Variants in PKD1L1 observed in about 807,000 individuals in gnomAD.
PKD1L1 encodes the protein polycystin 1 like 1, transient receptor potential channel interacting, also known as polycystin-1-like protein 1.
Under a neutral mutation model 323.4 loss-of-function variants are expected in PKD1L1, and 236 were observed. The observed-to-expected ratio is 0.73, with a 90% CI of 0.66 to 0.81. The LOEUF (loss-of-function observed/expected upper bound fraction) is 0.81, where lower values mean the gene tolerates loss of function less well. Among genes scored for constraint, PKD1L1 ranks in the 40% least tolerant of loss-of-function variants. The pLI, the probability that PKD1L1 is intolerant of heterozygous loss-of-function variation, is 0.00. For synonymous variants in PKD1L1, 1,344 were observed against 1,335.0 expected (o/e 1.01, Z -0.15); for missense variants, 3,320 against 3,508.0 (o/e 0.95, Z 1.35).
At position 47,929,217 on chromosome 7, in the gene PKD1L1, G is replaced by C. The variant is rs143391389; in HGVS notation, c.1047C>G (p.His349Gln). The C allele has an allele frequency of 1.4e-5, 23 of 1,613,894 alleles. No homozygotes were observed. The highest frequency in any genetic ancestry group is 1.8e-5 in the Non-Finnish European group (21 of 1,179,940). Residue 349 changes from histidine to glutamine, a missense_variant, in exon 7 of 57, where the codon CAC becomes CAG. His to Gln is a conservative substitution (Grantham distance 24). Coordinates refer to ENST00000289672, the MANE Select transcript of PKD1L1 (RefSeq NM_138295.5). ...CATGCACCTTACCTTTTGAGTACTG[G>C]TGGTAGGCAGTCACCGCCATTGCCT... ...MSEAMAVTAY[H>Q]QYSKGIFFHL...
At chr7:47,880,278 A>ATTTTTTTTTTTTTTT (rs1562970489) in intron 21 of PKD1L1, among the ~76,000 whole-genome samples, 4 of 73,634 alleles carry the variant, frequency 5.4e-5, no homozygotes, top group African/African-American at 2.2e-4. Flanking sequence ...ATATATATAT[A>ATTTTTTTTTTTTTTT]TATATATTTT....
intron 14 of PKD1L1, among the ~76,000 whole-genome samples, chr7:47,895,197 A>G (rs1039663970): frequency 3.3e-5 from 5 of 152,238 alleles, no homozygotes; most frequent in Non-Finnish European, 7.3e-5. Flanking sequence ...CTGTGAGGTC[A>G]GAGACAGCAG....
intron 26 of PKD1L1, among the ~76,000 whole-genome samples, chr7:47,862,403 A>G (rs1054547876): frequency 6.6e-6 from 1 of 152,106 alleles, no homozygotes; most frequent in Non-Finnish European, 1.5e-5. Context: ...GAGGGATGGT[A>G]GGAGGACAGG....
intron 2 of PKD1L1, 27 bp downstream of exon 2, chr7:47,943,369 G>T: frequency 1.3e-6 from 2 of 1,542,254 alleles, no homozygotes; most frequent in Non-Finnish European, 1.8e-6. Context: ...TATCATGGTG[G>T]CCATGCCTCC....
At chr7:47,777,942 A>C (rs966049707) in intron 56 of PKD1L1, among the ~76,000 whole-genome samples, 11 of 152,228 alleles carry the variant, frequency 7.2e-5, no homozygotes, top group Admixed American at 5.9e-4. Context: ...GAGGAGCTGC[A>C]GGGGAGGTGG....
chr7:47,866,288 C>A, intron 25 of PKD1L1, 131 bp downstream of exon 25: 1 of 853,086 alleles, frequency 1.2e-6, no homozygotes, highest in East Asian at 2.6e-5. Flanking sequence ...GCTGAGCTGG[C>A]TGGCCCTCTT....
chr7:47,908,761 GAGAAGA>G lies in PKD1L1; in HGVS notation c.1229-517_1229-512del, dbSNP rs1156712458. ...ACTCTGTGGCTCCTCTCATTAAGTG[GAGAAGA>G]CTATTGCTTCACCCCTCGAATCAGT... On this transcript the variant is annotated intron_variant, in intron 8 of 56. Coordinates refer to ENST00000289672, the MANE Select transcript of PKD1L1 (RefSeq NM_138295.5). 1.6e-3 allele frequency among the ~76,000 whole-genome samples: 238 copies of G among 152,300 alleles called. 2 individuals are homozygous for G. The highest frequency in any genetic ancestry group is 5.3e-3 in the African/African-American group (221 of 41,562).
intron 56 of PKD1L1, among the ~76,000 whole-genome samples, chr7:47,781,176 TG>T (rs1218287562): frequency 1.3e-5 from 2 of 152,192 alleles, no homozygotes; most frequent in Non-Finnish European, 2.9e-5. Context: ...TTCATGTGTT[TG>T]CCATCTGTAC....
At position 47,795,535 on chromosome 7, in the gene PKD1L1, G is replaced by GT. The variant is rs1784503843; in HGVS notation, c.8355+453dup. 14 of 355,120 alleles carry GT rather than the reference G, an allele frequency of 3.9e-5. 1 individual carries two copies. The highest frequency in any genetic ancestry group is 1.0e-3 in the Middle Eastern group (1 of 986). 22.0% of individuals were successfully genotyped at this position (355,120 alleles called of 1,614,324 possible). On this transcript the variant is annotated intron_variant, in intron 55 of 56. Coordinates refer to ENST00000289672, the MANE Select transcript of PKD1L1 (RefSeq NM_138295.5). ...AACTAATATATCAGCCATGAAGAAA[G>GT]TGAGTATTCAGTGTGCAAACGCCTG...
intron 15 of PKD1L1, among the ~76,000 whole-genome samples, chr7:47,892,480 A>T (rs1008940716): frequency 7.9e-5 from 12 of 152,130 alleles, no homozygotes; most frequent in Admixed American, 5.2e-4. Flanking sequence ...CTCTTGAGTA[A>T]AAAGGGGGTG....
intron 13 of PKD1L1, among the ~76,000 whole-genome samples, chr7:47,899,136 T>G (rs567685018): frequency 6.6e-6 from 1 of 152,314 alleles, no homozygotes; most frequent in South Asian, 2.1e-4. Context: ...AGCATAATTA[T>G]TTTTAAAATA....
chr7:47,839,691 C>T lies in PKD1L1; in HGVS notation c.5553-29G>A, dbSNP rs1210033258. The T allele has an allele frequency of 9.7e-6, 15 of 1,547,804 alleles. No homozygotes were observed. The highest frequency in any genetic ancestry group is 6.8e-5 in the African/African-American group (5 of 73,214). ...GAGGCACACACAGCAGCATCTCAGCCGGGTGGGTGACAGTGTGGTCCTGGC... is the reference window on the plus strand; with the variant it reads ...GAGGCACACACAGCAGCATCTCAGCTGGGTGGGTGACAGTGTGGTCCTGGC... On this transcript the variant is annotated intron_variant, in intron 35 of 56. Transcript: ENST00000289672. The surrounding 1 kb of genome is among the most constrained non-coding windows in gnomAD (Gnocchi z 4.3).
chr7:47,846,627 C>T (rs565338110), intron 32 of PKD1L1, among the ~76,000 whole-genome samples: 25 of 152,314 alleles, frequency 1.6e-4, no homozygotes, highest in African/African-American at 4.8e-4. Flanking sequence ...ACAGTCGGTA[C>T]GGGAAGGAGG....
intron 52 of PKD1L1, among the ~76,000 whole-genome samples, chr7:47,805,489 G>T (rs771581925): frequency 6.6e-6 from 1 of 152,262 alleles, no homozygotes; most frequent in Non-Finnish European, 1.5e-5. Flanking sequence ...AGGGAAAGCC[G>T]TAGTGTGGGC....
At chr7:47,779,861 G>A (rs1225543791) in intron 56 of PKD1L1, among the ~76,000 whole-genome samples, 1 of 152,166 alleles carries the variant, frequency 6.6e-6, no homozygotes, top group Non-Finnish European at 1.5e-5. Flanking sequence ...ACCATGGGCT[G>A]GGTGGGAGAA....
At chr7:47,888,712 C>T (rs533748568) in intron 16 of PKD1L1, among the ~76,000 whole-genome samples, 35 of 152,354 alleles carry the variant, frequency 2.3e-4, no homozygotes, top group Non-Finnish European at 4.1e-4. Context: ...ATGGGCAGTT[C>T]ACACATCCCA....
At chr7:47,916,976 G>C (rs937662831) in intron 7 of PKD1L1, among the ~76,000 whole-genome samples, 3 of 152,080 alleles carry the variant, frequency 2.0e-5, no homozygotes, top group Non-Finnish European at 4.4e-5. Context: ...AAATCAAGAA[G>C]AAATCCCCAG....
intron 55 of PKD1L1, among the ~76,000 whole-genome samples, chr7:47,795,110 G>A (rs1316319424): frequency 6.6e-6 from 1 of 152,192 alleles, no homozygotes; most frequent in Non-Finnish European, 1.5e-5. Context: ...TTTTGGGAAG[G>A]CATAATTGGT....
rs747995118 is a variant in PKD1L1 at position 47,835,133 on chromosome 7, C to T, written c.6054G>A (p.Lys2018=). Residue 2018 remains lysine, a splice_region_variant and synonymous_variant, in exon 38 of 57, where the codon AAG becomes AAA. Coordinates refer to ENST00000289672, the MANE Select transcript of PKD1L1 (RefSeq NM_138295.5). ...QLLSLLFRLS[K]EAPGSARVEP... Reference sequence around the variant, plus strand: ...GGCCATGAGGACAAGTCGCAGGTACCTTGCTGAGCCTGAAGAGCAGGGACA... The same window carrying T: ...GGCCATGAGGACAAGTCGCAGGTACTTTGCTGAGCCTGAAGAGCAGGGACA... The T allele has an allele frequency of 4.4e-6, 7 of 1,599,406 alleles. No homozygotes were observed. In the East Asian group the frequency reaches 1.1e-4, roughly 26 times the overall value.
Sources: allele counts gnomAD v4.1 joint callset (sites outside exome capture counted in the v4.1 genomes callset), GRCh38; gene constraint gnomAD v4.1.1; non-coding constraint Gnocchi (gnomAD v3.1); transcripts MANE v1.5; gene names NCBI Gene and HGNC (gene_info 2026-07-23, HGNC 2026-07-21).